PAK1: variants seen among roughly 807,000 people sequenced by gnomAD.
PAK1 encodes the protein p21 (RAC1) activated kinase 1, also known as serine/threonine-protein kinase PAK 1.
A neutral mutation model predicts 67.4 loss-of-function variants in PAK1; 29 were observed. That is an observed-to-expected ratio of 0.43 (90% confidence interval 0.32 to 0.59). PAK1 has a LOEUF of 0.59. PAK1 is among the 20% of genes least tolerant of loss of function. PAK1 has a pLI of 0.07. For synonymous variants in PAK1, 223 were observed against 237.4 expected, an observed-to-expected ratio of 0.94 and a Z score of 0.56; for missense variants, 337 against 670.7, an observed-to-expected ratio of 0.50 and a Z score of 5.50.
chr11:77,430,014 T>C (rs922371661), intron 1 of PAK1, among the ~76,000 whole-genome samples: 5 of 152,188 alleles, frequency 3.3e-5, no homozygotes, highest in African/African-American at 9.6e-5. Flanking sequence ...AGATCTAGAA[T>C]ACAGCAGTAG....
intron 1 of PAK1, among the ~76,000 whole-genome samples, chr11:77,426,966 T>C (rs1462554434): frequency 6.6e-6 from 1 of 152,020 alleles, no homozygotes; most frequent in Non-Finnish European, 1.5e-5. Context: ...GAAGAATGAA[T>C]GATCAGAACA....
At chr11:77,348,837 G>C (rs1944814834) in intron 9 of PAK1, among the ~76,000 whole-genome samples, 1 of 151,988 alleles carries the variant, frequency 6.6e-6, no homozygotes, top group South Asian at 2.1e-4. Flanking sequence ...AACTAGATAT[G>C]TTCCAGCTGG....
At chr11:77,448,873 T>C (rs1432497690) in intron 1 of PAK1, among the ~76,000 whole-genome samples, 1 of 152,208 alleles carries the variant, frequency 6.6e-6, no homozygotes, top group Non-Finnish European at 1.5e-5. Flanking sequence ...AGAACAGTAA[T>C]AAAATCACTA....
intron 13 of PAK1, 45 bp downstream of exon 13, chr11:77,336,041 G>C (rs1313743793): frequency 7.7e-7 from 1 of 1,292,204 alleles, no homozygotes. Context: ...CCTGGGACTA[G>C]AGACAACAGC....
chr11:77,529,206 C>G, the PAK1 span, among the ~76,000 whole-genome samples: 6 of 152,260 alleles, frequency 3.9e-5, no homozygotes, highest in Admixed American at 6.5e-5. Context: ...AATCATTGAG[C>G]TTTTAGCCTT....
At chr11:77,365,263 A>G (rs11237172) in intron 5 of PAK1, among the ~76,000 whole-genome samples, 1 of 116,322 alleles carries the variant, frequency 8.6e-6, no homozygotes, top group East Asian at 2.3e-4. Flanking sequence ...AAAAAAAAAA[A>G]AAAAAGAAAA....
At chr11:77,529,116 G>A in the PAK1 span, among the ~76,000 whole-genome samples, 1 of 152,088 alleles carries the variant, frequency 6.6e-6, no homozygotes, top group African/African-American at 2.4e-5. Context: ...CCGCAAGACA[G>A]GTATTTTTAA....
intron 1 of PAK1, among the ~76,000 whole-genome samples, chr11:77,462,498 T>G (rs2135499548): frequency 6.6e-6 from 1 of 152,202 alleles, no homozygotes; most frequent in South Asian, 2.1e-4. Flanking sequence ...TTTTTTTATG[T>G]TCTTTGAACT....
intron 1 of PAK1, among the ~76,000 whole-genome samples, chr11:77,451,554 G>A (rs1302175099): frequency 2.0e-5 from 3 of 151,648 alleles, no homozygotes; most frequent in Non-Finnish European, 4.4e-5. Flanking sequence ...TGTAAAACTT[G>A]TATTAAATAT....
the PAK1 span, among the ~76,000 whole-genome samples, chr11:77,526,360 G>C: frequency 6.6e-6 from 1 of 152,142 alleles, no homozygotes; most frequent in Non-Finnish European, 1.5e-5. Context: ...TTGTAGTATT[G>C]ACAAAAGATA....
Position 77,365,270 on chromosome 11 carries a change from A to AAAAAG in PAK1, c.478-6254_478-6253insCTTTT, listed in dbSNP as rs374701345. Among the ~76,000 whole-genome samples, 386 of 109,334 alleles carry AAAAAG rather than the reference A, an allele frequency of 3.5e-3. 2 individuals carry two copies. The highest frequency in any genetic ancestry group is 0.01 in the South Asian group (29 of 2,794). The allele number at this position is 109,334 out of a possible 152,430, so 71.7% of individuals were successfully genotyped here. ...CTGTCTCAAAAAAAAAAAAAAAAAGAAAAAAGAAAAAAGAAAATGGACCCA... is the reference window on the plus strand; with the variant it reads ...CTGTCTCAAAAAAAAAAAAAAAAAGAAAAAGAAAAAGAAAAAAGAAAATGGACCCA... On this transcript the variant is annotated intron_variant, in intron 5 of 14. Transcript: ENST00000356341.
the PAK1 span, among the ~76,000 whole-genome samples, chr11:77,496,368 T>C: frequency 1.3e-5 from 2 of 152,144 alleles, no homozygotes; most frequent in East Asian, 1.9e-4. Context: ...CTCGATCTTA[T>C]AATCCCATCA....
chr11:77,495,740 A>G, the PAK1 span, among the ~76,000 whole-genome samples: 2 of 152,222 alleles, frequency 1.3e-5, no homozygotes, highest in African/African-American at 4.8e-5. Flanking sequence ...CACATGCTAC[A>G]ACATGAATGA....
chr11:77,474,262 TC>T (rs1958016638), upstream of PAK1: 1 of 149,956 alleles, frequency 6.7e-6, no homozygotes, highest in Non-Finnish European at 1.5e-5. Flanking sequence ...CCGCCCCGCC[TC>T]CCGCAGGTGA....
chr11:77,410,938 AAG>A (rs1303278174), intron 1 of PAK1, among the ~76,000 whole-genome samples: 1 of 152,134 alleles, frequency 6.6e-6, no homozygotes, highest in Non-Finnish European at 1.5e-5. Flanking sequence ...GGCTCCAGAG[AAG>A]AGAGTCTAGT....
the PAK1 span, among the ~76,000 whole-genome samples, chr11:77,525,215 G>A: frequency 2.9e-4 from 44 of 151,840 alleles, no homozygotes; most frequent in East Asian, 7.7e-3. Flanking sequence ...TGGGTGTGGT[G>A]GTGTGCACCT....
the PAK1 span, among the ~76,000 whole-genome samples, chr11:77,489,386 C>CTCT: frequency 1.3e-5 from 2 of 148,906 alleles, no homozygotes; most frequent in South Asian, 2.1e-4. Flanking sequence ...ATCTCCCCTC[C>CTCT]CTCCTCTCTC....
chr11:77,489,392 C>G, the PAK1 span, among the ~76,000 whole-genome samples: 1 of 114,038 alleles, frequency 8.8e-6, no homozygotes, highest in Non-Finnish European at 2.3e-5. Context: ...CCTCCCTCCT[C>G]TCTCCTCTCT....
intron 5 of PAK1, among the ~76,000 whole-genome samples, chr11:77,359,380 G>A (rs1052663121): frequency 1.3e-5 from 2 of 152,260 alleles, no homozygotes; most frequent in Middle Eastern, 3.4e-3. Context: ...AGGAAATAAA[G>A]TATGAAATGT....
Sources: gnomAD v4.1 joint callset for allele counts (sites outside exome capture counted in the v4.1 genomes callset) on GRCh38, gnomAD v4.1.1 for gene constraint, MANE v1.5 for transcripts, NCBI Gene and HGNC (gene_info 2026-07-23, HGNC 2026-07-21) for gene names.